GRIN2A: variants seen among roughly 807,000 people sequenced by gnomAD.
GRIN2A encodes the protein glutamate receptor ionotropic, NMDA 2A.
A neutral mutation model predicts 113.4 loss-of-function variants in GRIN2A; 22 were observed. The observed-to-expected ratio is 0.19, with a 90% CI of 0.14 to 0.28. The LOEUF is 0.28. Among genes scored for constraint, GRIN2A ranks in the 10% least tolerant of loss-of-function variants. The pLI, the probability that GRIN2A is intolerant of heterozygous loss-of-function variation, is 1.00. For missense variants in GRIN2A, 1,502 were observed against 1,887.0 expected (o/e 0.80, Z 3.78); for synonymous variants, 827 against 738.4 (o/e 1.12, Z -1.94).
chr16:10,164,721 A>G (rs2049875719), intron 2 of GRIN2A, among the ~76,000 whole-genome samples: 1 of 152,252 alleles, frequency 6.6e-6, no homozygotes, highest in Non-Finnish European at 1.5e-5. Context: ...TGTATGTTAT[A>G]TTGGAAGCCA....
At chr16:10,000,138 G>C (rs2046295207) in intron 2 of GRIN2A, among the ~76,000 whole-genome samples, 1 of 152,004 alleles carries the variant, frequency 6.6e-6, no homozygotes, top group East Asian at 1.9e-4. Flanking sequence ...TATTACACTG[G>C]GTTGACCTGA....
intron 3 of GRIN2A, among the ~76,000 whole-genome samples, chr16:9,916,457 A>G (rs2044252122): frequency 1.3e-5 from 2 of 152,178 alleles, no homozygotes; most frequent in East Asian, 3.9e-4. Flanking sequence ...TTCTTCCCTC[A>G]TTTTCAATAC....
At chr16:9,867,993 C>G (rs1382826351) in intron 4 of GRIN2A, among the ~76,000 whole-genome samples, 1 of 152,130 alleles carries the variant, frequency 6.6e-6, no homozygotes, top group Non-Finnish European at 1.5e-5. Flanking sequence ...AATAGTTTCT[C>G]TCCCATCTGC....
chr16:10,158,662 C>A (rs2049751567), intron 2 of GRIN2A, among the ~76,000 whole-genome samples: 1 of 152,154 alleles, frequency 6.6e-6, no homozygotes, highest in African/African-American at 2.4e-5. Context: ...GTGAAAGATG[C>A]CAGATGCAAA....
chr16:9,865,735 C>T lies in GRIN2A; in HGVS notation c.1123-15774G>A, dbSNP rs373278009. ...CCATAAACTGTTCTCACACTGGTAA[C>T]ACAGCAGTGAATAGACCCTAAACCT... is the stretch of plus-strand genomic sequence containing the variant. On this transcript the variant is annotated intron_variant, in intron 4 of 12. Transcript: ENST00000330684. Among the ~76,000 whole-genome samples the T allele has an allele frequency of 3.3e-5, 5 of 152,252 alleles. No individual in the cohort carries two copies. In the East Asian group the frequency reaches 5.8e-4, roughly 18 times the overall value.
intron 2 of GRIN2A, among the ~76,000 whole-genome samples, chr16:10,094,454 G>GTT (rs57308394): frequency 1.4e-5 from 2 of 146,954 alleles, no homozygotes; most frequent in Admixed American, 6.8e-5. Flanking sequence ...CAAGAAAACA[G>GTT]TTTTTTTTTT....
intron 10 of GRIN2A, among the ~76,000 whole-genome samples, chr16:9,806,971 A>ATAAGTC (rs2041982738): frequency 6.6e-6 from 1 of 151,442 alleles, no homozygotes; most frequent in East Asian, 2.0e-4. Flanking sequence ...GTGGTAGTGA[A>ATAAGTC]TAAGTCTCAT....
intron 9 of GRIN2A, 97 bp downstream of exon 9, chr16:9,829,326 T>C: frequency 1.3e-6 from 1 of 769,556 alleles, no homozygotes; most frequent in East Asian, 2.6e-5. Context: ...GCATTCGAGT[T>C]GATGGATCTC....
chr16:10,104,013 T>G (rs12598973), intron 2 of GRIN2A, among the ~76,000 whole-genome samples: 30,545 of 152,142 alleles, frequency 0.2, 3,788 homozygotes, highest in East Asian at 0.44. Flanking sequence ...ACAAGCTCAG[T>G]TTATCAATGT....
At chr16:10,090,016 A>T (rs1292696078) in intron 2 of GRIN2A, among the ~76,000 whole-genome samples, 3 of 151,734 alleles carry the variant, frequency 2.0e-5, no homozygotes, top group Non-Finnish European at 4.4e-5. Flanking sequence ...ACCATGTGAT[A>T]AAAAAAAATC....
chr16:9,886,428 A>C (rs764517798), intron 4 of GRIN2A, among the ~76,000 whole-genome samples: 3 of 152,196 alleles, frequency 2.0e-5, no homozygotes. Context: ...CAGTATATAC[A>C]TTCATGGAGT....
intron 3 of GRIN2A, among the ~76,000 whole-genome samples, chr16:9,935,694 TTTATTA>T (rs889017313): frequency 3.3e-5 from 5 of 152,024 alleles, no homozygotes; most frequent in African/African-American, 1.2e-4. Context: ...GTATTTCCCT[TTTATTA>T]TTATTATTTT....
intron 2 of GRIN2A, among the ~76,000 whole-genome samples, chr16:10,025,761 G>A (rs1212594081): frequency 3.9e-5 from 6 of 152,162 alleles, no homozygotes; most frequent in African/African-American, 1.2e-4. Context: ...CCCTATATCG[G>A]CTGGCAGAGA....
chr16:10,130,579 T>C (rs375052499), intron 2 of GRIN2A, among the ~76,000 whole-genome samples: 60 of 152,312 alleles, frequency 3.9e-4, no homozygotes, highest in African/African-American at 1.3e-3. Context: ...CAGGACATTA[T>C]ATAAACCTTC....
Position 9,870,217 on chromosome 16 carries a change from C to T in GRIN2A, c.1123-20256G>A, listed in dbSNP as rs142152730. Among the ~76,000 whole-genome samples the T allele has an allele frequency of 3.3e-3, 501 of 152,280 alleles. 3 individuals carry two copies. The highest frequency in any genetic ancestry group is 0.011 in the African/African-American group (466 of 41,570). ...TGGCAATTATTTTTAATTCCATTTG[C>T]TAGTTTGAGGTTCTGCACGATTAAT... On this transcript the variant is annotated intron_variant, in intron 4 of 12. Coordinates refer to ENST00000330684, the MANE Select transcript of GRIN2A (RefSeq NM_001134407.3).
chr16:9,873,817 A>C (rs1331217318), intron 4 of GRIN2A, among the ~76,000 whole-genome samples: 1 of 152,188 alleles, frequency 6.6e-6, no homozygotes, highest in African/African-American at 2.4e-5. Context: ...TGCCTGTCCT[A>C]GTTTCTTCAA....
chr16:10,021,082 G>A (rs1343281248), intron 2 of GRIN2A, among the ~76,000 whole-genome samples: 1 of 152,154 alleles, frequency 6.6e-6, no homozygotes, highest in South Asian at 2.1e-4. Context: ...GTCCTTTCAG[G>A]GGGCAGGTGA....
intron 11 of GRIN2A, among the ~76,000 whole-genome samples, chr16:9,783,423 T>A (rs557701933): frequency 6.6e-6 from 1 of 152,348 alleles, no homozygotes; most frequent in South Asian, 2.1e-4. Context: ...AGTCAATAAA[T>A]GAAAATGAAA....
At chr16:10,104,715 C>T (rs943664717) in intron 2 of GRIN2A, among the ~76,000 whole-genome samples, 2 of 152,044 alleles carry the variant, frequency 1.3e-5, no homozygotes, top group African/African-American at 4.8e-5. Flanking sequence ...CAAAGCATAC[C>T]GAAAAATAAA....
Sources: gnomAD v4.1 joint callset for allele counts (sites outside exome capture counted in the v4.1 genomes callset) on GRCh38, gnomAD v4.1.1 for gene constraint, MANE v1.5 for transcripts, NCBI Gene and HGNC (gene_info 2026-07-23, HGNC 2026-07-21) for gene names.